WDFY4: variants seen among roughly 807,000 people sequenced by gnomAD.
WDFY4 encodes the protein WDFY family member 4, also known as WD repeat- and FYVE domain-containing protein 4.
In WDFY4, 169 loss-of-function variants were observed where a neutral mutation model predicts 351.9. The observed-to-expected ratio is 0.48, with a 90% CI of 0.42 to 0.55. The LOEUF is 0.55. WDFY4 is among the 20% of genes least tolerant of loss of function. The pLI, the probability that WDFY4 is intolerant of heterozygous loss-of-function variation, is 0.00. For synonymous variants in WDFY4, 1,622 were observed against 1,574.6 expected (o/e 1.03, Z -0.71); for missense variants, 3,803 against 3,935.6 (o/e 0.97, Z 0.90).
intron 12 of WDFY4, among the ~76,000 whole-genome samples, chr10:48,751,486 G>A (rs904888612): frequency 1.7e-4 from 26 of 152,172 alleles, no homozygotes; most frequent in Non-Finnish European, 1.6e-4. Flanking sequence ...AGCTTGAACA[G>A]GAGAACATTT....
intron 37 of WDFY4, among the ~76,000 whole-genome samples, chr10:48,830,456 G>A (rs1403156913): frequency 1.3e-5 from 2 of 152,190 alleles, no homozygotes; most frequent in Non-Finnish European, 2.9e-5. Flanking sequence ...GAGGCAGGCA[G>A]GAATTGGTGG....
intron 39 of WDFY4, among the ~76,000 whole-genome samples, chr10:48,846,757 G>A (rs531608351): frequency 6.6e-6 from 1 of 152,340 alleles, no homozygotes; most frequent in East Asian, 1.9e-4. Context: ...AAGAGTGGCT[G>A]TGCAGCATCC....
intron 20 of WDFY4, among the ~76,000 whole-genome samples, chr10:48,787,972 CTT>C (rs2066537618): frequency 7.6e-6 from 1 of 131,800 alleles, no homozygotes; most frequent in Non-Finnish European, 1.6e-5. Context: ...TCTTCTTCTT[CTT>C]CTTCTTCTTC....
intron 40 of WDFY4, among the ~76,000 whole-genome samples, chr10:48,870,744 C>T (rs185583783): frequency 2.0e-5 from 3 of 152,254 alleles, no homozygotes; most frequent in South Asian, 2.1e-4. Flanking sequence ...AGGACTTTTG[C>T]TATTTAGTCA....
At chr10:48,775,186 G>A (rs887837466) in intron 14 of WDFY4, among the ~76,000 whole-genome samples, 5 of 152,192 alleles carry the variant, frequency 3.3e-5, no homozygotes, top group African/African-American at 7.2e-5. Context: ...GGTGCACAGG[G>A]TGGGAAGCAG....
intron 39 of WDFY4, among the ~76,000 whole-genome samples, chr10:48,845,324 A>G (rs541438994): frequency 1.3e-5 from 2 of 151,646 alleles, no homozygotes; most frequent in Non-Finnish European, 2.9e-5. Context: ...GCTTCCTTCA[A>G]CCTCCCCCAC....
chr10:48,822,664 C>A, intron 35 of WDFY4, 127 bp downstream of exon 35: 2 of 1,218,744 alleles, frequency 1.6e-6, no homozygotes, highest in Non-Finnish European at 2.1e-6. Context: ...TGGGAGGAAG[C>A]AGGAGGCCCT....
chr10:48,688,154 C>T (rs1214173759), intron 1 of WDFY4, among the ~76,000 whole-genome samples: 2 of 152,212 alleles, frequency 1.3e-5, no homozygotes, highest in Non-Finnish European at 2.9e-5. Context: ...GCATGGGGGT[C>T]TTTCCTGGTT....
chr10:48,759,913 G>A (rs923559282), intron 12 of WDFY4, among the ~76,000 whole-genome samples: 1 of 151,922 alleles, frequency 6.6e-6, no homozygotes, highest in African/African-American at 2.4e-5. Flanking sequence ...AGTTGCATTC[G>A]GTATTCAGGG....
At chr10:48,774,939 T>C (rs2065980704) in intron 14 of WDFY4, among the ~76,000 whole-genome samples, 3 of 150,422 alleles carry the variant, frequency 2.0e-5, no homozygotes, top group Admixed American at 6.6e-5. Flanking sequence ...CCGAGGCCTG[T>C]AGAGTTCACT....
At chr10:48,842,736 T>A (rs2068651078) in intron 39 of WDFY4, among the ~76,000 whole-genome samples, 1 of 152,242 alleles carries the variant, frequency 6.6e-6, no homozygotes, top group Non-Finnish European at 1.5e-5. Flanking sequence ...TGTTGTGACT[T>A]AAGTGCAAAG....
At chr10:48,842,272 C>G (rs140894154) in intron 39 of WDFY4, among the ~76,000 whole-genome samples, 1 of 151,776 alleles carries the variant, frequency 6.6e-6, no homozygotes, top group Admixed American at 6.6e-5. Context: ...AATGTGGGTG[C>G]GGGAAGCTAT....
Position 48,974,904 on chromosome 10 carries a change from T to C in WDFY4, c.8971T>C (p.Ser2991Pro). 6.4e-7 allele frequency: 1 copy of C among 1,551,072 alleles called. No individual in the cohort carries two copies. Among genetic ancestry groups the C allele is most frequent in the East Asian group, 2.4e-5 (1 of 40,902 alleles). Reference sequence around the variant, plus strand: ...ACAGGCTGTCACGTGCCTGGCAGCGTCAGTCACCTTCAGCCTCCTGGTGAG... The same window carrying C: ...ACAGGCTGTCACGTGCCTGGCAGCGCCAGTCACCTTCAGCCTCCTGGTGAG... ...HTQAVTCLAA[S>P]VTFSLLVSGS... The change falls in exon 58 of 62, where the codon TCA (serine) becomes CCA (proline). Residue 2991 changes from serine to proline, a missense_variant. This residue lies in a region of WDFY4 where 3,054 missense variants were observed against 3,148.6 expected (regional missense o/e 0.97). Transcript: ENST00000325239.
chr10:48,872,260 T>C (rs1249804080), intron 40 of WDFY4, among the ~76,000 whole-genome samples: 1 of 152,240 alleles, frequency 6.6e-6, no homozygotes, highest in African/African-American at 2.4e-5. Flanking sequence ...CTAGCAGATA[T>C]CATGCACTCA....
intron 28 of WDFY4, among the ~76,000 whole-genome samples, chr10:48,809,394 C>A (rs1013962022): frequency 2.4e-4 from 37 of 151,472 alleles, no homozygotes; most frequent in Admixed American, 6.6e-5. Flanking sequence ...ACCATCACCA[C>A]CAACAGCATC....
chr10:48,855,943 A>G (rs187032459), intron 39 of WDFY4, among the ~76,000 whole-genome samples: 50 of 152,276 alleles, frequency 3.3e-4, no homozygotes, highest in African/African-American at 1.1e-3. Context: ...GTATGTATGT[A>G]TAGAAAAACA....
intron 53 of WDFY4, among the ~76,000 whole-genome samples, chr10:48,962,424 A>G (rs1009879598): frequency 2.0e-5 from 3 of 152,148 alleles, no homozygotes; most frequent in African/African-American, 7.2e-5. Flanking sequence ...TCCCAAATGA[A>G]CATTTTGAGG....
rs1294900097 is a variant in WDFY4 at position 48,736,058 on chromosome 10, G to C, written c.1866G>C (p.Leu622=). ...SSTQGELQLK[L]DLLKSLLRIL... ...CTCAAGGGGAGCTGCAGCTGAAACT[G>C]GATCTCCTGAAGGTGATTTCAAGTC... The change falls in exon 11 of 62, where the codon CTG becomes CTC. Residue 622 remains leucine (L), a synonymous_variant. Transcript: ENST00000325239. The C allele has an allele frequency of 6.4e-7, 1 of 1,551,762 alleles. No homozygotes were observed.
At chr10:48,964,295 A>C (rs1841985084) in intron 54 of WDFY4, among the ~76,000 whole-genome samples, 1 of 152,246 alleles carries the variant, frequency 6.6e-6, no homozygotes, top group Admixed American at 6.5e-5. Context: ...GATTTTAGAC[A>C]CTACAATAGA....
Sources: allele counts gnomAD v4.1 joint callset (sites outside exome capture counted in the v4.1 genomes callset), GRCh38; gene constraint gnomAD v4.1.1; regional missense constraint gnomAD v4.1.1; transcripts MANE v1.5; gene names NCBI Gene and HGNC (gene_info 2026-07-23, HGNC 2026-07-21).